KIAA1217: variants seen among roughly 807,000 people sequenced by gnomAD.
The protein encoded by KIAA1217 is sickle tail protein homolog.
KIAA1217 carries 88 observed loss-of-function variants against 163.9 expected under a neutral mutation model. The ratio of observed to expected loss-of-function variants is 0.54; its 90% CI spans 0.45 to 0.64. The LOEUF (loss-of-function observed/expected upper bound fraction) is 0.64, where lower values mean the gene tolerates loss of function less well. Ranked by LOEUF, KIAA1217 falls within the 30% of genes least tolerant of loss-of-function variation. The pLI, the probability that KIAA1217 is intolerant of heterozygous loss-of-function variation, is 0.00. For missense variants in KIAA1217, 2,372 were observed against 2,475.0 expected, an observed-to-expected ratio of 0.96 and a Z score of 0.88; for synonymous variants, 903 against 923.1, an observed-to-expected ratio of 0.98 and a Z score of 0.39.
intron 2 of KIAA1217, among the ~76,000 whole-genome samples, chr10:24,347,982 C>A (rs1324200430): frequency 6.6e-6 from 1 of 152,176 alleles, no homozygotes; most frequent in Non-Finnish European, 1.5e-5. Flanking sequence ...ATATGCATGT[C>A]ATTTGCATAC....
At chr10:24,275,002 A>G (rs2077125720) in intron 2 of KIAA1217, among the ~76,000 whole-genome samples, 1 of 152,140 alleles carries the variant, frequency 6.6e-6, no homozygotes, top group Non-Finnish European at 1.5e-5. Flanking sequence ...CAGTGACACA[A>G]TCACAACTCA....
At chr10:24,118,626 G>A (rs1393765092) in intron 2 of KIAA1217, among the ~76,000 whole-genome samples, 2 of 152,138 alleles carry the variant, frequency 1.3e-5, no homozygotes, top group Non-Finnish European at 2.9e-5. Flanking sequence ...AACAGAGATA[G>A]CGGAGACAGT....
chr10:23,766,590 TTTTC>T (rs1208798163), intron 1 of KIAA1217, among the ~76,000 whole-genome samples: 25 of 145,114 alleles, frequency 1.7e-4, no homozygotes, highest in East Asian at 5.9e-4. Flanking sequence ...TTTCTTTCTT[TTTTC>T]TTTTTTTTTT....
At chr10:24,200,506 C>T (rs1808762915) in intron 2 of KIAA1217, among the ~76,000 whole-genome samples, 1 of 152,156 alleles carries the variant, frequency 6.6e-6, no homozygotes, top group South Asian at 2.1e-4. Flanking sequence ...TGTCTTTGTG[C>T]ACCTCAGCTT....
intron 1 of KIAA1217, among the ~76,000 whole-genome samples, chr10:23,749,158 A>C (rs1462316707): frequency 6.6e-6 from 1 of 152,204 alleles, no homozygotes; most frequent in African/African-American, 2.4e-5. Context: ...CAATCCAATC[A>C]AGCATTTATA....
chr10:23,865,503 A>G (rs888506232), intron 1 of KIAA1217, among the ~76,000 whole-genome samples: 5 of 152,126 alleles, frequency 3.3e-5, no homozygotes, highest in Non-Finnish European at 1.5e-5. Flanking sequence ...ATTTGCAAAT[A>G]CTATTTTCCT....
At chr10:24,483,019 CAA>C (rs397846909) in intron 6 of KIAA1217, 333 of 95,536 alleles carry the variant, frequency 3.5e-3, no homozygotes, top group African/African-American at 7.2e-3. Context: ...GATCCTGTCT[CAA>C]AAAAAAAAAA....
chr10:24,439,384 G>A (rs1283015702), intron 5 of KIAA1217, among the ~76,000 whole-genome samples: 1 of 152,128 alleles, frequency 6.6e-6, no homozygotes, highest in Non-Finnish European at 1.5e-5. Flanking sequence ...ATAAATAAAT[G>A]ATTACCTTTT....
At chr10:23,712,181 G>A (rs1442930786) in intron 1 of KIAA1217, among the ~76,000 whole-genome samples, 4 of 152,248 alleles carry the variant, frequency 2.6e-5, no homozygotes, top group Middle Eastern at 3.4e-3. Context: ...CAGAGGTGAA[G>A]AGAAAATTAT....
intron 2 of KIAA1217, among the ~76,000 whole-genome samples, chr10:24,084,728 T>A (rs2061639732): frequency 6.6e-6 from 1 of 151,914 alleles, no homozygotes; most frequent in Non-Finnish European, 1.5e-5. Flanking sequence ...ATCCAAGGTG[T>A]CAGACTAGGT....
At chr10:24,275,700 T>C in intron 2 of KIAA1217, 1 of 522,916 alleles carries the variant, frequency 1.9e-6, no homozygotes, top group Non-Finnish European at 3.9e-6. Flanking sequence ...ATGCTGTTGG[T>C]TTGGTGCAAA....
At chr10:23,725,470 A>T (rs1564368798) in intron 1 of KIAA1217, among the ~76,000 whole-genome samples, 1 of 152,222 alleles carries the variant, frequency 6.6e-6, no homozygotes, top group Non-Finnish European at 1.5e-5. Context: ...ACAGGCTGTG[A>T]TGTGGGTGAA....
chr10:24,053,523 C>T (rs1849670332), intron 2 of KIAA1217, among the ~76,000 whole-genome samples: 1 of 151,980 alleles, frequency 6.6e-6, no homozygotes, highest in Non-Finnish European at 1.5e-5. Context: ...GTAGGATATA[C>T]ATTAGTTAGA....
At chr10:24,158,401 C>T in intron 2 of KIAA1217, 2 of 604,832 alleles carry the variant, frequency 3.3e-6, no homozygotes, top group Admixed American at 3.7e-5. Context: ...CATATTATTA[C>T]AATTTGCACA....
intron 2 of KIAA1217, among the ~76,000 whole-genome samples, chr10:24,131,108 G>A (rs1469640258): frequency 1.3e-5 from 2 of 152,162 alleles, no homozygotes; most frequent in Non-Finnish European, 2.9e-5. Flanking sequence ...TTGAAGATAT[G>A]AAATCACTTT....
At chr10:23,868,244 T>G (rs980171995) in intron 1 of KIAA1217, among the ~76,000 whole-genome samples, 2 of 152,070 alleles carry the variant, frequency 1.3e-5, no homozygotes, top group African/African-American at 2.4e-5. Context: ...GGGTACATGG[T>G]TTTCTTTGCT....
At chr10:23,760,639 A>G (rs1250548825) in intron 1 of KIAA1217, among the ~76,000 whole-genome samples, 1 of 152,192 alleles carries the variant, frequency 6.6e-6, no homozygotes, top group East Asian at 1.9e-4. Flanking sequence ...AAATGAATCA[A>G]AAGGTTAATA....
At chr10:23,818,094 TAC>T (rs1175959531) in intron 1 of KIAA1217, among the ~76,000 whole-genome samples, 1,537 of 116,900 alleles carry the variant, frequency 0.013, 44 homozygotes, top group African/African-American at 0.05. Context: ...TAGATATACA[TAC>T]ACACACACAC....
At chr10:23,814,603 C>T (rs972953671) in intron 1 of KIAA1217, among the ~76,000 whole-genome samples, 5 of 152,088 alleles carry the variant, frequency 3.3e-5, no homozygotes, top group African/African-American at 1.2e-4. Context: ...TTGGAAGAAA[C>T]GTTTCAGTTT....
Sources: allele counts gnomAD v4.1 joint callset (sites outside exome capture counted in the v4.1 genomes callset), GRCh38; gene constraint gnomAD v4.1.1; transcripts MANE v1.5; gene names NCBI Gene and HGNC (gene_info 2026-07-23, HGNC 2026-07-21).